Variants in DHX36 observed in about 807,000 individuals in gnomAD.
DHX36 encodes the protein ATP-dependent DNA/RNA helicase DHX36.
In DHX36, 50 loss-of-function variants were observed where a neutral mutation model predicts 139.0. The observed-to-expected ratio is 0.36, with a 90% confidence interval of 0.29 to 0.46. The LOEUF (loss-of-function observed/expected upper bound fraction) is 0.46. Ranked by LOEUF, DHX36 falls within the 20% of genes least tolerant of loss-of-function variation. The pLI, the probability that DHX36 is intolerant of heterozygous loss-of-function variation, is 1.00. For synonymous variants in DHX36, 425 were observed against 401.9 expected (o/e 1.06, Z -0.69); for missense variants, 1,024 against 1,211.3 (o/e 0.85, Z 2.29).
At chr3:154,287,990 G>A (rs1711609714) in intron 17 of DHX36, among the ~76,000 whole-genome samples, 1 of 151,994 alleles carries the variant, frequency 6.6e-6, no homozygotes, top group Non-Finnish European at 1.5e-5. Flanking sequence ...ATCCACCACT[G>A]GTAGGAGTTT....
intron 22 of DHX36, 185 bp from the exon 23 acceptor site, chr3:154,277,903 A>G (rs1016231254): frequency 4.5e-6 from 2 of 441,234 alleles, no homozygotes; most frequent in Non-Finnish European, 7.8e-6. Context: ...TTGAGGACAG[A>G]GCATAATTTC....
rs537242984 is a variant in DHX36, at chr3:154,314,783, GT to G, written c.603+262del. 809 of 295,918 alleles carry G rather than the reference GT, an allele frequency of 2.7e-3. 6 individuals are homozygous for G. Among genetic ancestry groups the G allele is most frequent in the African/African-American group, 0.016 (721 of 45,930 alleles). The allele number at this position is 295,918 out of a possible 1,614,324, so 18.3% of individuals were successfully genotyped here. ...CTGGCCTAGAAAAGCTGAAGAGTAA[GT>G]TTTTTTTTCATTGGCACTAGCATTT... On this transcript the variant is annotated intron_variant, in intron 3 of 24. Coordinates refer to ENST00000496811, the MANE Select transcript of DHX36 (RefSeq NM_020865.3).
In DHX36 at chr3:154,275,998, A is replaced by C. The variant is rs1032691699; in HGVS notation, c.*173T>G. The stretch of plus-strand genomic sequence containing the variant: ...TTATGGTATATATATATATATATAT[A>C]TATCTCTACATATAACATCAAGTCA... On this transcript the variant is annotated 3_prime_UTR_variant, in exon 25 of 25. Coordinates refer to ENST00000496811, the MANE Select transcript of DHX36 (RefSeq NM_020865.3). The C allele has an allele frequency of 7.6e-5, 32 of 423,204 alleles. No homozygotes were observed. Among genetic ancestry groups the C allele is most frequent in the African/African-American group, 4.3e-4 (21 of 48,586 alleles). 26.2% of individuals were successfully genotyped at this position (423,204 alleles called of 1,614,324 possible).
chr3:154,306,090 T>G, intron 6 of DHX36, 126 bp downstream of exon 6: 1 of 672,222 alleles, frequency 1.5e-6, no homozygotes. Context: ...ACGCTGCAGT[T>G]ACTTTAAATG....
At chr3:154,279,368 A>G (rs1208878109) in intron 22 of DHX36, 1 of 152,202 alleles carries the variant, frequency 6.6e-6, no homozygotes, top group Non-Finnish European at 1.5e-5. Context: ...TCCAAAGAAA[A>G]CTACATTTTT....
chr3:154,300,478 A>T, intron 11 of DHX36, 116 bp downstream of exon 11: 1 of 800,418 alleles, frequency 1.2e-6, no homozygotes, highest in South Asian at 1.6e-5. Context: ...TCTAGTATCA[A>T]AAGTAATTTC....
At chr3:154,319,780 A>C (rs1348367008) in intron 1 of DHX36, among the ~76,000 whole-genome samples, 1 of 152,096 alleles carries the variant, frequency 6.6e-6, no homozygotes, top group African/African-American at 2.4e-5. Flanking sequence ...ACTGCAGCAT[A>C]ATTTGGCCCA....
chr3:154,316,246 C>T (rs972928481), intron 1 of DHX36, 83 bp from the exon 2 acceptor site: 2 of 1,546,394 alleles, frequency 1.3e-6, no homozygotes, highest in African/African-American at 1.4e-5. Flanking sequence ...AAAATAAAGG[C>T]TAAGTAATAT....
intron 10 of DHX36, 32 bp from the exon 11 acceptor site, chr3:154,300,728 C>T: frequency 6.5e-7 from 1 of 1,544,628 alleles, no homozygotes; most frequent in South Asian, 1.2e-5. Flanking sequence ...TCATGAAATA[C>T]TTAATCAAGT....
At chr3:154,314,934 T>G in intron 3 of DHX36, 112 bp downstream of exon 3, 1 of 718,618 alleles carries the variant, frequency 1.4e-6, no homozygotes, top group Non-Finnish European at 2.3e-6. Context: ...CACAGGGATG[T>G]CTTGTTGAGG....
At position 154,321,876 on chromosome 3, in the gene DHX36, G is replaced by A. The variant is rs150963065; in HGVS notation, c.243+2298C>T. ...CAGGAAGCAGAGGGTGCAGTGAGCC[G>A]AGATCACACCACTGCACTCCAGACT... On this transcript the variant is annotated intron_variant, in intron 1 of 24. Coordinates refer to ENST00000496811, the MANE Select transcript of DHX36 (RefSeq NM_020865.3). Among the ~76,000 whole-genome samples, 177 of 143,296 alleles carry A rather than the reference G, an allele frequency of 1.2e-3. 1 individual carries two copies. The highest frequency in any genetic ancestry group is 4.2e-3 in the African/African-American group (160 of 38,064). The allele number at this position is 143,296 out of a possible 152,430, so 94.0% of individuals were successfully genotyped here. A position where few individuals can be genotyped will look rare whatever the true frequency, so the allele number is the denominator to read the frequency against.
chr3:154,292,734 C>CACAT (rs775968600), intron 14 of DHX36, 40 bp from the exon 15 acceptor site: 1 of 975,676 alleles, frequency 1.0e-6, no homozygotes, highest in Admixed American at 2.1e-5. Context: ...AAAACACACA[C>CACAT]ACACACACAC....
intron 14 of DHX36, 32 bp from the exon 15 acceptor site, chr3:154,292,726 AACAC>A (rs58416816): frequency 0.13 from 198,330 of 1,500,054 alleles, 3,897 homozygotes; most frequent in East Asian, 0.32. Flanking sequence ...AAAATGTTAA[AACAC>A]ACACACACAC....
intron 14 of DHX36, 53 bp downstream of exon 14, chr3:154,293,695 G>A (rs1405220313): frequency 5.5e-6 from 7 of 1,277,324 alleles, no homozygotes; most frequent in Non-Finnish European, 6.8e-6. Context: ...AACACGTTAT[G>A]GTGTTTAAAA....
rs771442180 is a variant in DHX36, at chr3:154,315,245, C to T, written c.404G>A (p.Cys135Tyr). 6.2e-7 allele frequency: 1 copy of T among 1,613,124 alleles called. No homozygotes were observed. The highest frequency in any genetic ancestry group is 1.7e-5 in the Admixed American group (1 of 59,948). The change falls in exon 3 of 25, where the codon TGC (cysteine) becomes TAC (tyrosine). Residue 135 changes from cysteine (C) to tyrosine (Y), a missense_variant. Physicochemically the swap from Cys to Tyr is radical, Grantham distance 194. Transcript: ENST00000496811. ...CTGGATGTCAAGTTTGTTCTCTGAGCATGGTGTGTTCTTAGTAGAAACTTC... is the reference window on the plus strand; with the variant it reads ...CTGGATGTCAAGTTTGTTCTCTGAGTATGGTGTGTTCTTAGTAGAAACTTC... ...GTEVSTKNTP[C>Y]SENKLDIQEK... is the part of the protein sequence containing the mutation.
chr3:154,276,160 C>G lies in DHX36; in HGVS notation c.*11G>C, dbSNP rs777358666. The G allele has an allele frequency of 6.2e-7, 1 of 1,601,472 alleles. No individual in the cohort carries two copies. The highest frequency in any genetic ancestry group is 2.2e-5 in the East Asian group (1 of 44,540). On this transcript the variant is annotated 3_prime_UTR_variant, in exon 25 of 25. Transcript: ENST00000496811. ...GTCAAACTGGCTTTTCAGACCACCC[C>G]TGAAAAGCTGTCAGCTGTAATATCC...
At chr3:154,300,846 A>C in intron 10 of DHX36, 141 bp downstream of exon 10, 1 of 1,341,944 alleles carries the variant, frequency 7.5e-7, no homozygotes, top group African/African-American at 1.5e-5. Context: ...TTAAAAGTCA[A>C]ATCAGCACAA....
At chr3:154,294,541 TCTTTC>T (rs900381728) in intron 13 of DHX36, among the ~76,000 whole-genome samples, 66 of 152,364 alleles carry the variant, frequency 4.3e-4, no homozygotes, top group African/African-American at 1.5e-3. Context: ...TGCTGGATAC[TCTTTC>T]AGTCTTTGGA....
At chr3:154,309,882 T>C in intron 4 of DHX36, 59 bp from the exon 5 acceptor site, 1 of 1,321,488 alleles carries the variant, frequency 7.6e-7, no homozygotes, top group African/African-American at 1.5e-5. Flanking sequence ...AAAAAGATAT[T>C]AATCAAAATT....
Sources: allele counts gnomAD v4.1 joint callset (sites outside exome capture counted in the v4.1 genomes callset), GRCh38; gene constraint gnomAD v4.1.1; transcripts MANE v1.5; gene names NCBI Gene and HGNC (gene_info 2026-07-23, HGNC 2026-07-21).